The following PCLO variants were observed in gnomAD, a reference collection of about 807,000 sequenced individuals.
PCLO encodes piccolo presynaptic cytomatrix protein.
PCLO carries 82 observed loss-of-function variants against 427.5 expected under a neutral mutation model. That is an observed-to-expected ratio of 0.19 (90% CI 0.16 to 0.23). The LOEUF is 0.23. Ranked by LOEUF, PCLO falls within the 10% of genes least tolerant of loss-of-function variation. The probability of loss-of-function intolerance (pLI) is 1.00; values close to 1 mark genes in which losing one functional copy is unlikely to be tolerated. For missense variants in PCLO, 6,239 were observed against 6,115.9 expected (o/e 1.02, Z -0.67); for synonymous variants, 2,357 against 2,155.4 (o/e 1.09, Z -2.59).
chr7:83,024,264 G>A lies in PCLO; in HGVS notation c.3301-57777C>T, dbSNP rs140266842. 3.1e-3 allele frequency among the ~76,000 whole-genome samples: 474 copies of A among 152,296 alleles called. 11 individuals carry two copies. In the East Asian group the frequency reaches 0.057, roughly 18 times the overall value. ...TGGGTGCGCGCACCATGCGCGAGCC[G>A]AAGCAGGGTGAGGCATTGCCTCACT... is the stretch of plus-strand genomic sequence containing the variant. On this transcript the variant is annotated intron_variant, in intron 3 of 24. Coordinates refer to ENST00000333891, the MANE Select transcript of PCLO (RefSeq NM_033026.6).
At chr7:83,058,742 C>G (rs1396958220) in intron 3 of PCLO, among the ~76,000 whole-genome samples, 1 of 151,768 alleles carries the variant, frequency 6.6e-6, no homozygotes, top group Non-Finnish European at 1.5e-5. Context: ...TTCATAACGT[C>G]GGTGTGTAAT....
At chr7:83,153,660 T>C (rs1181126998) in intron 2 of PCLO, among the ~76,000 whole-genome samples, 1 of 152,170 alleles carries the variant, frequency 6.6e-6, no homozygotes, top group Non-Finnish European at 1.5e-5. Flanking sequence ...GCCTTCTCAT[T>C]AAGTAGAGGC....
At chr7:83,077,590 T>C (rs1021069322) in intron 3 of PCLO, among the ~76,000 whole-genome samples, 2 of 152,038 alleles carry the variant, frequency 1.3e-5, no homozygotes, top group Admixed American at 6.6e-5. Flanking sequence ...TAAAAATGCT[T>C]AAGGAATACA....
intron 3 of PCLO, among the ~76,000 whole-genome samples, chr7:82,985,337 T>C (rs1272689398): frequency 1.3e-5 from 2 of 152,060 alleles, no homozygotes; most frequent in African/African-American, 2.4e-5. Context: ...CAAACTGCCA[T>C]GGTATTTATT....
In PCLO at chr7:82,914,761, A is replaced by C. The variant is rs759401696; in HGVS notation, c.13225T>G (p.Ser4409Ala). Residue 4409 changes from serine (S) to alanine (A), a missense_variant, in exon 7 of 25, where the codon TCA becomes GCA. Around this residue, in one of 5 missense-constraint regions of PCLO, gnomAD observed 877 missense variants for 925.5 expected, o/e 0.95. Coordinates refer to ENST00000333891, the MANE Select transcript of PCLO (RefSeq NM_033026.6). ...PEVQQHMREE[S>A]RTRGYDRDIA... ...TCACGGTCATAGCCTCGAGTCCGTG[A>C]TTCTTCCCTCATGTGTTGCTGAACT... is the stretch of plus-strand genomic sequence containing the variant. 1.2e-6 allele frequency: 2 copies of C among 1,613,392 alleles called. No homozygotes were observed. Among genetic ancestry groups the C allele is most frequent in the Non-Finnish European group, 1.7e-6 (2 of 1,179,680 alleles).
In PCLO at chr7:82,819,812, G is replaced by A. The variant is rs112681634; in HGVS notation, c.14791+2683C>T. Among the ~76,000 whole-genome samples the A allele has an allele frequency of 3.6e-3, 546 of 152,174 alleles. 1 individual carries two copies. Among genetic ancestry groups the A allele is most frequent in the African/African-American group, 0.012 (512 of 41,506 alleles). The stretch of plus-strand genomic sequence containing the variant: ...TTAATTTTATGAGAATAAAAAGAAC[G>A]CAATAGGAAAGTATAAGGCTTGATT... On this transcript the variant is annotated intron_variant, in intron 20 of 24. Coordinates refer to ENST00000333891, the MANE Select transcript of PCLO (RefSeq NM_033026.6).
At chr7:82,806,592 G>A (rs1375579150) in intron 20 of PCLO, among the ~76,000 whole-genome samples, 2 of 152,124 alleles carry the variant, frequency 1.3e-5, no homozygotes, top group Admixed American at 1.3e-4. Flanking sequence ...AGGAAGATAA[G>A]GCAAGTGTTT....
intron 14 of PCLO, 139 bp from the exon 15 acceptor site, chr7:82,838,481 A>C: frequency 1.8e-6 from 1 of 557,794 alleles, no homozygotes; most frequent in Non-Finnish European, 3.1e-6. Context: ...AACCAAACAG[A>C]CCAGTTAATG....
At chr7:83,098,767 C>G (rs1790659422) in intron 3 of PCLO, among the ~76,000 whole-genome samples, 1 of 152,028 alleles carries the variant, frequency 6.6e-6, no homozygotes, top group Non-Finnish European at 1.5e-5. Context: ...CTCTCATGCT[C>G]AAGAAAACAT....
intron 6 of PCLO, among the ~76,000 whole-genome samples, chr7:82,942,596 C>T (rs1795110897): frequency 6.6e-6 from 1 of 152,058 alleles, no homozygotes; most frequent in Non-Finnish European, 1.5e-5. Flanking sequence ...GGTTTTGACT[C>T]ATTGACATTT....
rs558388074 is a variant in PCLO, at chr7:82,768,806, T to A, written c.15008-7313A>T. Among the ~76,000 whole-genome samples, 56 of 152,260 alleles carry A rather than the reference T, an allele frequency of 3.7e-4. No homozygotes were observed. The South Asian group carries it at 0.011, about 29-fold the overall frequency. ...TCTCAGATAAAAATTTTATATATAT[T>A]TTATCTTTGAAAAATATGTGTATGT... On this transcript the variant is annotated intron_variant, in intron 22 of 24. Coordinates refer to ENST00000333891, the MANE Select transcript of PCLO (RefSeq NM_033026.6).
intron 3 of PCLO, among the ~76,000 whole-genome samples, chr7:83,020,072 A>C (rs1176490904): frequency 6.6e-6 from 1 of 152,130 alleles, no homozygotes; most frequent in East Asian, 1.9e-4. Context: ...TTTTTATTAG[A>C]CCACCGACTT....
At chr7:83,048,842 T>TA (rs371069632) in intron 3 of PCLO, among the ~76,000 whole-genome samples, 7 of 152,078 alleles carry the variant, frequency 4.6e-5, no homozygotes, top group Non-Finnish European at 7.4e-5. Context: ...AATTTCAGCT[T>TA]AAAAAAACTA....
rs750132236 is a variant in PCLO at position 82,952,207 on chromosome 7, T to G, written c.8746A>C (p.Thr2916Pro). ...ATTATTTTGGTCATCACACTTGAAG[T>G]AGACTCATCCATTGTTACGACTGTT... Reference protein sequence around the residue: ...HRTVVTMDESTSSVMTKIIED... With the variant: ...HRTVVTMDESPSSVMTKIIED... Residue 2916 changes from threonine (T) to proline (P), a missense_variant, in exon 5 of 25, where the codon ACT (threonine) becomes CCT (proline). Physicochemically the swap from Thr to Pro is conservative, Grantham distance 38 (BLOSUM62 -1). Coordinates refer to ENST00000333891, the MANE Select transcript of PCLO (RefSeq NM_033026.6). 4.3e-6 allele frequency: 7 copies of G among 1,613,746 alleles called. No homozygotes were observed. Among genetic ancestry groups the G allele is most frequent in the Middle Eastern group, 1.7e-4 (1 of 6,060 alleles).
At chr7:83,030,610 G>A (rs560672149) in intron 3 of PCLO, among the ~76,000 whole-genome samples, 1 of 152,256 alleles carries the variant, frequency 6.6e-6, no homozygotes, top group Admixed American at 6.5e-5. Flanking sequence ...ACACACCCCA[G>A]AAGCAAATTT....
At chr7:83,052,594 C>T (rs547423089) in intron 3 of PCLO, among the ~76,000 whole-genome samples, 9 of 152,020 alleles carry the variant, frequency 5.9e-5, no homozygotes, top group South Asian at 2.1e-4. Context: ...TATTTGTAAA[C>T]GACTTACTGG....
At chr7:82,989,301 A>G (rs1796323357) in intron 3 of PCLO, among the ~76,000 whole-genome samples, 1 of 152,130 alleles carries the variant, frequency 6.6e-6, no homozygotes, top group Non-Finnish European at 1.5e-5. Context: ...AAAAAAGAAA[A>G]CACTTGAATT....
At chr7:83,045,508 G>A (rs1304186417) in intron 3 of PCLO, among the ~76,000 whole-genome samples, 1 of 151,956 alleles carries the variant, frequency 6.6e-6, no homozygotes, top group Non-Finnish European at 1.5e-5. Context: ...TTGCATATAT[G>A]CATGGATCTT....
chr7:82,996,303 GT>G (rs968264900), intron 3 of PCLO, among the ~76,000 whole-genome samples: 2 of 151,798 alleles, frequency 1.3e-5, no homozygotes, highest in African/African-American at 4.8e-5. Flanking sequence ...GGCATTAATG[GT>G]TTTTTTATAA....
Sources: gnomAD v4.1 joint callset for allele counts (sites outside exome capture counted in the v4.1 genomes callset) on GRCh38, gnomAD v4.1.1 for gene constraint, gnomAD v4.1.1 regional missense constraint, MANE v1.5 for transcripts, NCBI Gene and HGNC (gene_info 2026-07-23, HGNC 2026-07-21) for gene names.